Variants in ADGRB1 observed in about 807,000 individuals in gnomAD.
The protein encoded by ADGRB1 is adhesion G protein-coupled receptor B1.
Under a neutral mutation model 175.7 loss-of-function variants are expected in ADGRB1, and 36 were observed. That is an observed-to-expected ratio of 0.20 (90% CI 0.16 to 0.27). ADGRB1 has a LOEUF of 0.27. Ranked by LOEUF, ADGRB1 falls within the 10% of genes least tolerant of loss-of-function variation. The pLI is 1.00. For synonymous variants in ADGRB1, 1,054 were observed against 979.4 expected, an observed-to-expected ratio of 1.08 and a Z score of -1.42; for missense variants, 1,731 against 2,255.3, an observed-to-expected ratio of 0.77 and a Z score of 4.71.
chr8:142,469,371 G>A (rs1242821987), intron 2 of ADGRB1, among the ~76,000 whole-genome samples: 3 of 151,994 alleles, frequency 2.0e-5, no homozygotes, highest in African/African-American at 7.3e-5. Flanking sequence ...ACGTGCATGT[G>A]TGTGAATGTG....
chr8:142,477,976 G>C (rs1841078162), intron 6 of ADGRB1, among the ~76,000 whole-genome samples: 1 of 151,292 alleles, frequency 6.6e-6, no homozygotes, highest in Non-Finnish European at 1.5e-5. Flanking sequence ...ATGTGGGGTG[G>C]TGGCCCCCAG....
intron 2 of ADGRB1, among the ~76,000 whole-genome samples, chr8:142,469,411 ATG>A (rs1055058413): frequency 4.0e-5 from 5 of 124,390 alleles, no homozygotes; most frequent in African/African-American, 9.6e-5. Flanking sequence ...GCAGATGTGA[ATG>A]TGAGTGTGTG....
intron 13 of ADGRB1, among the ~76,000 whole-genome samples, chr8:142,486,201 C>T (rs1841660798): frequency 6.6e-6 from 1 of 152,194 alleles, no homozygotes; most frequent in Non-Finnish European, 1.5e-5. Context: ...AGGCCCCCAC[C>T]CCTACATCCC....
intron 6 of ADGRB1, 48 bp from the exon 7 acceptor site, chr8:142,478,139 T>C (rs1841093134): frequency 5.8e-6 from 9 of 1,562,440 alleles, no homozygotes; most frequent in Non-Finnish European, 7.8e-6. Flanking sequence ...AGCCAGGCAT[T>C]GGGGTGCCGG....
chr8:142,469,930 C>T (rs916692112), intron 2 of ADGRB1, among the ~76,000 whole-genome samples: 9 of 152,332 alleles, frequency 5.9e-5, no homozygotes, highest in African/African-American at 2.2e-4. Flanking sequence ...GTTGTGCCCT[C>T]GCTGTGGGAC....
At chr8:142,476,157 G>A (rs1840961331) in intron 3 of ADGRB1, among the ~76,000 whole-genome samples, 1 of 152,254 alleles carries the variant, frequency 6.6e-6, no homozygotes. Flanking sequence ...CTTCCATGAA[G>A]TTAAATCACG....
In ADGRB1 at chr8:142,542,789, C is replaced by A; in HGVS notation, c.4413+142C>A. 1 of 770,802 alleles carries A rather than the reference C, an allele frequency of 1.3e-6. No individual in the cohort carries two copies. The highest frequency in any genetic ancestry group is 2.0e-6 in the Non-Finnish European group (1 of 505,198). The allele number at this position is 770,802 out of a possible 1,614,324, so 47.7% of individuals were successfully genotyped here. The stretch of plus-strand genomic sequence containing the variant: ...CTAGCTACACCCCCCACCCCTGGCC[C>A]TGCTGGGTGTGCTGTGTATGTCTGA... On this transcript the variant is annotated intron_variant, in intron 28 of 30. Transcript: ENST00000517894. The surrounding 1 kb of genome is among the most constrained non-coding windows in gnomAD (Gnocchi z 6.3).
At chr8:142,490,739 CA>C (rs1320531133) in intron 16 of ADGRB1, 32 bp from the exon 17 acceptor site, 3 of 1,561,718 alleles carry the variant, frequency 1.9e-6, no homozygotes, top group Non-Finnish European at 2.6e-6. Flanking sequence ...TCCTGGCTGC[CA>C]GGGGCCCTGA....
At position 142,522,768 on chromosome 8, in the gene ADGRB1, C is replaced by T. The variant is rs527412469; in HGVS notation, c.3245+58C>T. ...CCACATGGCCCCCCAGAGACTTCCA[C>T]CGCCCTGGAGGGTGAGGGCTGGCCA... On this transcript the variant is annotated intron_variant, in intron 22 of 30. Coordinates refer to ENST00000517894, the MANE Select transcript of ADGRB1 (RefSeq NM_001702.3). 2.8e-6 allele frequency: 4 copies of T among 1,407,738 alleles called. No homozygotes were observed. The Admixed American group carries it at 1.3e-4, about 45-fold the overall frequency. 87.2% of individuals were successfully genotyped at this position (1,407,738 alleles called of 1,614,324 possible). A position where few individuals can be genotyped will look rare whatever the true frequency, so the allele number is the denominator to read the frequency against.
intron 17 of ADGRB1, among the ~76,000 whole-genome samples, chr8:142,509,042 G>A (rs1347664775): frequency 2.0e-5 from 3 of 152,230 alleles, no homozygotes; most frequent in African/African-American, 7.2e-5. Context: ...CGGAGAAGAT[G>A]CAAGAGATAA....
At position 142,493,595 on chromosome 8, in the gene ADGRB1, A is replaced by G. The variant is rs1450284090; in HGVS notation, c.2675+2780A>G. 3.9e-5 allele frequency among the ~76,000 whole-genome samples: 6 copies of G among 152,332 alleles called. No homozygotes were observed. In the East Asian group the frequency reaches 1.2e-3, roughly 29 times the overall value. Reference sequence around the variant, plus strand: ...TGTGGCCCACGCAGTGCCTGGCAGCATTGTGCCCAAGTTGCCTCTTGGGTC... The same window carrying G: ...TGTGGCCCACGCAGTGCCTGGCAGCGTTGTGCCCAAGTTGCCTCTTGGGTC... On this transcript the variant is annotated intron_variant, in intron 17 of 30. Transcript: ENST00000517894. The surrounding 1 kb of genome is among the most constrained non-coding windows in gnomAD (Gnocchi z 5.0).
chr8:142,480,390 GT>G (rs1434792136), intron 9 of ADGRB1, among the ~76,000 whole-genome samples: 1 of 152,220 alleles, frequency 6.6e-6, no homozygotes, highest in African/African-American at 2.4e-5. Context: ...GATGAGGGCA[GT>G]TGGGGTTCCT....
intron 27 of ADGRB1, 74 bp downstream of exon 27, chr8:142,539,487 G>A: frequency 1.3e-6 from 2 of 1,539,156 alleles, no homozygotes; most frequent in Non-Finnish European, 1.8e-6. Context: ...CTCCGCCTGT[G>A]CCTCCCCCAC....
At chr8:142,497,477 T>A (rs1276272114) in intron 17 of ADGRB1, among the ~76,000 whole-genome samples, 3 of 138,564 alleles carry the variant, frequency 2.2e-5, no homozygotes, top group Admixed American at 7.0e-5. Flanking sequence ...CGGTTCCTGA[T>A]GGGGGCAGAG....
intron 27 of ADGRB1, 149 bp downstream of exon 27, chr8:142,539,562 G>A: frequency 2.1e-6 from 2 of 939,272 alleles, no homozygotes; most frequent in Non-Finnish European, 3.2e-6. Context: ...AGGCCCACCT[G>A]GACCCAGGGG....
At chr8:142,535,196 G>A (rs529052979) in intron 25 of ADGRB1, among the ~76,000 whole-genome samples, 19 of 152,336 alleles carry the variant, frequency 1.2e-4, no homozygotes, top group African/African-American at 4.6e-4. Flanking sequence ...AGGACCAACT[G>A]ACCGGTGACG....
intron 11 of ADGRB1, among the ~76,000 whole-genome samples, chr8:142,483,485 C>T (rs1025008347): frequency 6.6e-6 from 1 of 151,448 alleles, no homozygotes; most frequent in Non-Finnish European, 1.5e-5. Flanking sequence ...ATCCTGGTTA[C>T]ATGCTGAACC....
chr8:142,463,512 G>T (rs1189656893), intron 1 of ADGRB1, among the ~76,000 whole-genome samples: 1 of 152,270 alleles, frequency 6.6e-6, no homozygotes, highest in Non-Finnish European at 1.5e-5. Flanking sequence ...AATCTTCCTG[G>T]GAAGGAGGAA....
intron 2 of ADGRB1, among the ~76,000 whole-genome samples, chr8:142,466,102 T>A (rs1255655016): frequency 2.6e-5 from 4 of 152,122 alleles, no homozygotes; most frequent in Non-Finnish European, 4.4e-5. Context: ...GGTGTTAGCA[T>A]CTGGGAAGAT....
Sources: gnomAD v4.1 joint callset for allele counts (sites outside exome capture counted in the v4.1 genomes callset) on GRCh38, gnomAD v4.1.1 for gene constraint, Gnocchi (gnomAD v3.1) non-coding constraint, MANE v1.5 for transcripts, NCBI Gene and HGNC (gene_info 2026-07-23, HGNC 2026-07-21) for gene names.